SLAMF9: variants seen among roughly 807,000 people sequenced by gnomAD.
The protein encoded by SLAMF9 is SLAM family member 9.
In SLAMF9, 25 loss-of-function variants were observed where a neutral mutation model predicts 30.4. The ratio of observed to expected loss-of-function variants is 0.82; its 90% CI spans 0.60 to 1.15. The LOEUF (loss-of-function observed/expected upper bound fraction) is 1.15. Among genes scored for constraint, SLAMF9 ranks in the 50% most tolerant of loss-of-function variants. The probability of loss-of-function intolerance (pLI) is 0.00; values close to 1 mark genes in which losing one functional copy is unlikely to be tolerated. For missense variants in SLAMF9, 344 were observed against 346.1 expected (o/e 0.99, Z 0.05); for synonymous variants, 129 against 127.2 (o/e 1.01, Z -0.09).
At chr1:159,973,958 G>A in the SLAMF9 span, 80 of 1,611,296 alleles carry the variant, frequency 5.0e-5, 1 homozygote, top group East Asian at 1.6e-3. Context: ...TTCCATCTCT[G>A]TAGAACTTCA....
the SLAMF9 span, among the ~76,000 whole-genome samples, chr1:159,966,931 T>C: frequency 2.0e-5 from 3 of 152,074 alleles, no homozygotes; most frequent in Non-Finnish European, 4.4e-5. Flanking sequence ...TTTGTTGTTT[T>C]TGTTTTTTTG....
the SLAMF9 span, among the ~76,000 whole-genome samples, chr1:159,971,220 G>A: frequency 6.6e-6 from 1 of 152,156 alleles, no homozygotes; most frequent in East Asian, 1.9e-4. Context: ...GATGGCCAAG[G>A]CCCTTAGACA....
At chr1:159,973,592 C>T in the SLAMF9 span, among the ~76,000 whole-genome samples, 6 of 152,310 alleles carry the variant, frequency 3.9e-5, no homozygotes, top group Non-Finnish European at 8.8e-5. Context: ...GAATCTCCCC[C>T]CTCCTTCCCC....
the SLAMF9 span, among the ~76,000 whole-genome samples, chr1:159,964,532 T>G: frequency 6.6e-6 from 1 of 152,104 alleles, no homozygotes; most frequent in African/African-American, 2.4e-5. Flanking sequence ...AATGGTGTGC[T>G]CTCGCTAAAA....
the SLAMF9 span, among the ~76,000 whole-genome samples, chr1:159,963,409 G>A: frequency 6.6e-6 from 1 of 152,172 alleles, no homozygotes; most frequent in Non-Finnish European, 1.5e-5. Context: ...TAAAGAGACA[G>A]CAAGCATTGC....
At chr1:159,952,738 C>T (rs932412008) in intron 2 of SLAMF9, among the ~76,000 whole-genome samples, 6 of 152,184 alleles carry the variant, frequency 3.9e-5, no homozygotes, top group African/African-American at 7.2e-5. Context: ...GACAGAGCTG[C>T]CTTTGGCATC....
upstream of SLAMF9, among the ~76,000 whole-genome samples, chr1:159,958,346 T>C (rs762950005): frequency 5.3e-5 from 8 of 152,196 alleles, no homozygotes; most frequent in Non-Finnish European, 1.2e-4. Flanking sequence ...AAACAGTCCA[T>C]GATGCCTATT....
In SLAMF9 at chr1:159,951,694, C is replaced by A; in HGVS notation, c.837G>T (p.Arg279Ser). ...KKLMRNRMKL[R>S]KEAKPGSSPA The stretch of plus-strand genomic sequence containing the variant: ...GGCTGGAGCCAGGCTTTGCCTCCTT[C>A]CTCAATTTCATTCTGTTTCTCATGA... The change falls in exon 4 of 4, where the codon AGG becomes AGT. Residue 279 changes from arginine to serine, a missense_variant. Physicochemically the swap from Arg to Ser is moderately radical, Grantham distance 110. Coordinates refer to ENST00000368093, the MANE Select transcript of SLAMF9 (RefSeq NM_033438.4). The A allele has an allele frequency of 6.2e-7, 1 of 1,614,168 alleles. No individual in the cohort carries two copies.
the SLAMF9 span, among the ~76,000 whole-genome samples, chr1:159,961,688 G>C: frequency 2.6e-5 from 4 of 152,208 alleles, no homozygotes; most frequent in African/African-American, 9.7e-5. Flanking sequence ...GGAGCAGCCT[G>C]TGCAGGATCC....
At chr1:159,964,840 T>C in the SLAMF9 span, among the ~76,000 whole-genome samples, 1 of 152,220 alleles carries the variant, frequency 6.6e-6, no homozygotes. Context: ...CCTTTGCTGT[T>C]ATTAATTTGT....
At chr1:159,973,838 T>C in the SLAMF9 span, 1,384 of 1,613,746 alleles carry the variant, frequency 8.6e-4, 19 homozygotes, top group East Asian at 0.027. Context: ...TTTGTGTGAA[T>C]GTCTGTGGAA....
At chr1:159,952,954 T>C (rs533546496) in intron 2 of SLAMF9, among the ~76,000 whole-genome samples, 372 of 152,304 alleles carry the variant, frequency 2.4e-3, no homozygotes, top group African/African-American at 8.7e-3. Context: ...AAGATACTCA[T>C]TAGTAGCCCT....
the SLAMF9 span, among the ~76,000 whole-genome samples, chr1:159,979,770 G>T: frequency 3.3e-5 from 5 of 151,934 alleles, no homozygotes; most frequent in African/African-American, 1.2e-4. Flanking sequence ...TCCCCAGACA[G>T]TCTAGCCATG....
At chr1:159,958,333 C>A (rs753089880), upstream of SLAMF9, among the ~76,000 whole-genome samples, 1 of 152,172 alleles carries the variant, frequency 6.6e-6, no homozygotes, top group Non-Finnish European at 1.5e-5. Flanking sequence ...CATAAGTAGG[C>A]ATAAACAGTC....
At chr1:159,976,912 A>AAAAGAAAGAAAGAAAGAAAGAAAGAAAG in the SLAMF9 span, 1 of 59,500 alleles carries the variant, frequency 1.7e-5, no homozygotes, top group African/African-American at 6.0e-5. Flanking sequence ...AGGAAAGAAA[A>AAAAGAAAGAAAGAAAGAAAGAAAGAAAG]AAAGAAAGAA....
rs1166174904 is a variant in SLAMF9 at position 159,952,543 on chromosome 1, A to C, written c.392-9T>G. On this transcript the variant is annotated splice_polypyrimidine_tract_variant and intron_variant, in intron 2 of 3. Coordinates refer to ENST00000368093, the MANE Select transcript of SLAMF9 (RefSeq NM_033438.4). ...GGGCTCTGACAGCCATCCTGGATGAAGGGGAAACACAAAGACCCTCTAAAC... is the reference window on the plus strand; with the variant it reads ...GGGCTCTGACAGCCATCCTGGATGACGGGGAAACACAAAGACCCTCTAAAC... 1.2e-6 allele frequency: 2 copies of C among 1,612,632 alleles called. No individual in the cohort carries two copies.
chr1:159,978,287 G>A, the SLAMF9 span, among the ~76,000 whole-genome samples: 3 of 152,090 alleles, frequency 2.0e-5, no homozygotes, highest in Non-Finnish European at 1.5e-5. Context: ...GGAGATGGGG[G>A]CAGGCGAGGG....
Position 159,953,570 on chromosome 1 carries a change from T to A in SLAMF9, c.130A>T (p.Ile44Leu). 1.2e-6 allele frequency: 2 copies of A among 1,614,164 alleles called. No homozygotes were observed. The highest frequency in any genetic ancestry group is 1.7e-6 in the Non-Finnish European group (2 of 1,179,998). Residue 44 changes from isoleucine to leucine, a missense_variant, in exon 2 of 4, where the codon ATA (isoleucine) becomes TTA (leucine). Ile to Leu is a conservative substitution (Grantham distance 5). Transcript: ENST00000368093. Reference sequence around the variant, plus strand: ...TTCTCAACCTCTTCATCTGGTGGTATTTCCAGGGGGAGGCTGATGGACTCC... The same window carrying A: ...TTCTCAACCTCTTCATCTGGTGGTAATTCCAGGGGGAGGCTGATGGACTCC... Reference protein sequence around the residue: ...LQESISLPLEIPPDEEVENII... With the variant: ...LQESISLPLELPPDEEVENII...
At chr1:159,973,036 C>A in the SLAMF9 span, 1 of 1,426,132 alleles carries the variant, frequency 7.0e-7, no homozygotes, top group Non-Finnish European at 9.2e-7. Flanking sequence ...TGCTTCTGGA[C>A]CTGGCCACCC....
Sources: allele counts gnomAD v4.1 joint callset (sites outside exome capture counted in the v4.1 genomes callset), GRCh38; gene constraint gnomAD v4.1.1; transcripts MANE v1.5; gene names NCBI Gene and HGNC (gene_info 2026-07-23, HGNC 2026-07-21).